HS3ST4: variants seen among roughly 807,000 people sequenced by gnomAD.
HS3ST4 encodes heparan sulfate-glucosamine 3-sulfotransferase 4, also known as heparan sulfate glucosamine 3-O-sulfotransferase 4.
HS3ST4 carries 17 observed loss-of-function variants against 29.2 expected under a neutral mutation model. The observed-to-expected ratio is 0.58, with a 90% CI of 0.40 to 0.87. HS3ST4 has a LOEUF of 0.87. Ranked by LOEUF, HS3ST4 falls within the 40% of genes least tolerant of loss-of-function variation. HS3ST4 has a pLI of 0.00. For missense variants in HS3ST4, 627 were observed against 634.5 expected (o/e 0.99, Z 0.13); for synonymous variants, 314 against 285.7 (o/e 1.10, Z -1.00).
intron 1 of HS3ST4, among the ~76,000 whole-genome samples, chr16:25,886,027 GTTTTTTTTTTTT>G (rs34713423): frequency 1.2e-5 from 1 of 82,760 alleles, no homozygotes; most frequent in South Asian, 5.7e-4. Flanking sequence ...TCTTACTGTG[GTTTTTTTTTTTT>G]TTTTTTTTTT....
chr16:25,941,348 G>A (rs772858481), intron 1 of HS3ST4, among the ~76,000 whole-genome samples: 5 of 151,820 alleles, frequency 3.3e-5, no homozygotes, highest in Non-Finnish European at 7.4e-5. Flanking sequence ...TAGTAGAGAC[G>A]AGGTTTCTTC....
intron 1 of HS3ST4, among the ~76,000 whole-genome samples, chr16:25,967,043 G>A (rs1401058340): frequency 6.6e-6 from 1 of 152,230 alleles, no homozygotes; most frequent in Non-Finnish European, 1.5e-5. Flanking sequence ...GAGGAATTCT[G>A]AGGATGGGAT....
intron 1 of HS3ST4, among the ~76,000 whole-genome samples, chr16:25,805,052 T>C (rs1277932646): frequency 6.6e-6 from 1 of 152,112 alleles, no homozygotes; most frequent in Non-Finnish European, 1.5e-5. Flanking sequence ...CTCCTCCAAG[T>C]GTGTTAAGAC....
intron 1 of HS3ST4, among the ~76,000 whole-genome samples, chr16:25,714,247 C>T (rs1304395751): frequency 6.6e-6 from 1 of 152,200 alleles, no homozygotes; most frequent in African/African-American, 2.4e-5. Flanking sequence ...CTCCACGGCT[C>T]ATCATCCTCC....
rs186793422 is a variant in HS3ST4, at chr16:25,882,333, A to G, written c.734+189182A>G. Among the ~76,000 whole-genome samples the G allele has an allele frequency of 3.3e-5, 5 of 152,296 alleles. No individual in the cohort carries two copies. In the East Asian group the frequency reaches 5.8e-4, roughly 18 times the overall value. On this transcript the variant is annotated intron_variant, in intron 1 of 1. Transcript: ENST00000331351. ...GGAAGAGCTTTGGAGACTTTGGGAC[A>G]TAGTCCCTCCAGTCTAGCACCACCT...
At chr16:25,879,994 A>G (rs1967876838) in intron 1 of HS3ST4, among the ~76,000 whole-genome samples, 1 of 152,136 alleles carries the variant, frequency 6.6e-6, no homozygotes, top group Non-Finnish European at 1.5e-5. Context: ...CCCATGATTC[A>G]ATTATCTCCA....
intron 1 of HS3ST4, among the ~76,000 whole-genome samples, chr16:25,916,998 C>A (rs1444963650): frequency 6.6e-6 from 1 of 152,034 alleles, no homozygotes; most frequent in Non-Finnish European, 1.5e-5. Context: ...TTCTTAAGTG[C>A]CTGTGCCACT....
At chr16:25,723,874 G>A (rs565504303) in intron 1 of HS3ST4, among the ~76,000 whole-genome samples, 12 of 152,292 alleles carry the variant, frequency 7.9e-5, no homozygotes, top group Non-Finnish European at 1.6e-4. Flanking sequence ...AGCACTTTGG[G>A]AGGCCGAGGA....
At chr16:25,918,203 G>A (rs1267399200) in intron 1 of HS3ST4, among the ~76,000 whole-genome samples, 1 of 152,202 alleles carries the variant, frequency 6.6e-6, no homozygotes, top group Non-Finnish European at 1.5e-5. Flanking sequence ...TAATAAAACA[G>A]TATGCTGCCT....
chr16:25,911,293 G>A (rs1968235877), intron 1 of HS3ST4, among the ~76,000 whole-genome samples: 1 of 152,046 alleles, frequency 6.6e-6, no homozygotes, highest in Non-Finnish European at 1.5e-5. Flanking sequence ...ATTAACAGGT[G>A]CCTGCAGAAA....
Position 25,923,627 on chromosome 16 carries a change from T to TGTG in HS3ST4, c.735-211984_735-211982dup, listed in dbSNP as rs1462624183. Among the ~76,000 whole-genome samples the TGTG allele has an allele frequency of 5.9e-5, 9 of 152,102 alleles. No homozygotes were observed. The East Asian group carries it at 1.7e-3, about 29-fold the overall frequency. On this transcript the variant is annotated intron_variant, in intron 1 of 1. Coordinates refer to ENST00000331351, the MANE Select transcript of HS3ST4 (RefSeq NM_006040.3). ...TTTTTCCTCCAAATTAAAATATATGTGTGTGTGTGTGCATGTGTGAAAGAG... is the reference window on the plus strand; with the variant it reads ...TTTTTCCTCCAAATTAAAATATATGTGTGGTGTGTGTGTGCATGTGTGAAAGAG...
Position 25,742,784 on chromosome 16 carries a change from C to T in HS3ST4, c.734+49633C>T, listed in dbSNP as rs56788253. Among the ~76,000 whole-genome samples, 439 of 152,340 alleles carry T rather than the reference C, an allele frequency of 2.9e-3. 2 individuals are homozygous for T. The highest frequency in any genetic ancestry group is 9.7e-3 in the African/African-American group (403 of 41,578). ...CTTAGTATCTGCCATCCTCTGCTTTCAACCTTCTCAAATATGAATGCTTCA... is the reference window on the plus strand; with the variant it reads ...CTTAGTATCTGCCATCCTCTGCTTTTAACCTTCTCAAATATGAATGCTTCA... On this transcript the variant is annotated intron_variant, in intron 1 of 1. Transcript: ENST00000331351.
intron 1 of HS3ST4, among the ~76,000 whole-genome samples, chr16:25,718,096 C>T (rs1336801876): frequency 6.6e-6 from 1 of 152,154 alleles, no homozygotes; most frequent in Non-Finnish European, 1.5e-5. Flanking sequence ...TGGTTTTATT[C>T]ACCAAGACAA....
At chr16:25,749,947 G>A (rs1018679917) in intron 1 of HS3ST4, among the ~76,000 whole-genome samples, 3 of 152,130 alleles carry the variant, frequency 2.0e-5, no homozygotes, top group African/African-American at 7.2e-5. Flanking sequence ...TGGCAATGTG[G>A]TATAACAAAT....
At chr16:26,055,241 A>C (rs906405013) in intron 1 of HS3ST4, among the ~76,000 whole-genome samples, 2 of 152,118 alleles carry the variant, frequency 1.3e-5, no homozygotes, top group Admixed American at 6.6e-5. Flanking sequence ...CTCAGCCCCA[A>C]ACCTCAGCTC....
At chr16:25,740,425 T>C (rs2141597335) in intron 1 of HS3ST4, among the ~76,000 whole-genome samples, 1 of 152,316 alleles carries the variant, frequency 6.6e-6, no homozygotes, top group East Asian at 1.9e-4. Flanking sequence ...CTGCTCCAAA[T>C]AGGTCCAGTT....
chr16:25,816,295 A>G (rs1967091809), intron 1 of HS3ST4, among the ~76,000 whole-genome samples: 1 of 152,022 alleles, frequency 6.6e-6, no homozygotes, highest in African/African-American at 2.4e-5. Flanking sequence ...ATCTTCTAAA[A>G]TCCTCCAGAC....
intron 1 of HS3ST4, among the ~76,000 whole-genome samples, chr16:25,773,931 TCTGA>T (rs1274446917): frequency 6.6e-6 from 1 of 152,180 alleles, no homozygotes; most frequent in Non-Finnish European, 1.5e-5. Context: ...CCTTGATGAA[TCTGA>T]CTATCTCGGT....
intron 1 of HS3ST4, among the ~76,000 whole-genome samples, chr16:25,782,141 C>G (rs1966853215): frequency 1.3e-5 from 2 of 152,178 alleles, no homozygotes; most frequent in Non-Finnish European, 2.9e-5. Context: ...GCAGGAAAAA[C>G]TATAATTTAC....
Sources: gnomAD v4.1 joint callset for allele counts (sites outside exome capture counted in the v4.1 genomes callset) on GRCh38, gnomAD v4.1.1 for gene constraint, MANE v1.5 for transcripts, NCBI Gene and HGNC (gene_info 2026-07-23, HGNC 2026-07-21) for gene names.